Variants in REST observed in about 807,000 individuals in gnomAD.
The protein encoded by REST is RE1-silencing transcription factor.
In REST, 1 loss-of-function variant was observed where a neutral mutation model predicts 30.4. The ratio of observed to expected loss-of-function variants is 0.03; its 90% confidence interval spans 0.01 to 0.16. REST has a LOEUF of 0.16. Ranked by LOEUF, REST falls within the 10% of genes least tolerant of loss-of-function variation. The pLI is 1.00. For missense variants in REST, 1,259 were observed against 1,329.5 expected, an observed-to-expected ratio of 0.95 and a Z score of 0.82; for synonymous variants, 504 against 451.1, an observed-to-expected ratio of 1.12 and a Z score of -1.49.
At position 56,931,915 on chromosome 4, in the gene REST, A is replaced by G; in HGVS notation, c.3057A>G (p.Leu1019=). The G allele has an allele frequency of 6.2e-7, 1 of 1,614,224 alleles. No homozygotes were observed. Among genetic ancestry groups the G allele is most frequent in the East Asian group, 2.2e-5 (1 of 44,888 alleles). ...EGIHSHEGSD[L]SDNMSEGSDD... ...TCCACAGCCATGAAGGAAGTGACCT[A>G]AGTGACAACATGTCAGAGGGTAGTG... The change falls in exon 4 of 4, where the codon CTA becomes CTG. Residue 1019 remains leucine, a synonymous_variant. Transcript: ENST00000309042.
chr4:56,921,696 C>T (rs2109550947), intron 3 of REST, among the ~76,000 whole-genome samples: 1 of 152,274 alleles, frequency 6.6e-6, no homozygotes, highest in East Asian at 1.9e-4. Context: ...AGGTGTGAGC[C>T]ACCGCGCCCG....
intron 2 of REST, among the ~76,000 whole-genome samples, chr4:56,914,681 T>C (rs1386194380): frequency 6.6e-6 from 1 of 152,062 alleles, no homozygotes; most frequent in Non-Finnish European, 1.5e-5. Context: ...CCATATTCAT[T>C]TAGCTGGGAT....
At position 56,932,263 on chromosome 4, in the gene REST, G is replaced by T; in HGVS notation, c.*111G>T. Reference sequence around the variant, plus strand: ...ATTGCTTTAATTAGTATCTGATGTTGATTTTTAAGTGGCATTCTTTTCCTT... The same window carrying T: ...ATTGCTTTAATTAGTATCTGATGTTTATTTTTAAGTGGCATTCTTTTCCTT... On this transcript the variant is annotated 3_prime_UTR_variant, in exon 4 of 4. Coordinates refer to ENST00000309042, the MANE Select transcript of REST (RefSeq NM_005612.5). The T allele has an allele frequency of 8.3e-7, 1 of 1,198,912 alleles. No individual in the cohort carries two copies. Among genetic ancestry groups the T allele is most frequent in the Non-Finnish European group, 1.2e-6 (1 of 868,002 alleles). The allele number at this position is 1,198,912 out of a possible 1,614,324, so 74.3% of individuals were successfully genotyped here.
At chr4:56,926,715 C>T (rs1237321577) in intron 3 of REST, among the ~76,000 whole-genome samples, 1 of 151,754 alleles carries the variant, frequency 6.6e-6, no homozygotes, top group Non-Finnish European at 1.5e-5. Flanking sequence ...ATAGGTAACA[C>T]ATTTTGAGTT....
chr4:56,913,613 T>C (rs1560443513), intron 2 of REST, among the ~76,000 whole-genome samples: 1 of 152,088 alleles, frequency 6.6e-6, no homozygotes, highest in South Asian at 2.1e-4. Flanking sequence ...AGGAGGGGAA[T>C]TGATGCTGCT....
At chr4:56,912,989 G>T (rs1165558528) in intron 2 of REST, among the ~76,000 whole-genome samples, 1 of 150,932 alleles carries the variant, frequency 6.6e-6, no homozygotes, top group Non-Finnish European at 1.5e-5. Context: ...GGAGATGGGG[G>T]GTCTCACTAT....
intron 3 of REST, among the ~76,000 whole-genome samples, chr4:56,924,047 T>C (rs13113802): frequency 0.35 from 53,816 of 151,764 alleles, 9,787 homozygotes; most frequent in Middle Eastern, 0.49. Context: ...CTATGGAGAC[T>C]GGGTCTTGCT....
Position 56,907,987 on chromosome 4 carries a change from C to A in REST, c.-236C>A, listed in dbSNP as rs1276822665. The A allele has an allele frequency of 8.2e-6, 3 of 365,298 alleles. No homozygotes were observed. The East Asian group carries it at 1.2e-4, about 14-fold the overall frequency. 22.6% of individuals were successfully genotyped at this position (365,298 alleles called of 1,614,324 possible). ...GAGCGAGCGCCGCCGAGGCCCGGGG[C>A]CCCAGACCCTGGCGGCGGCTGCCGC... On this transcript the variant is annotated 5_prime_UTR_variant, in exon 1 of 4. Transcript: ENST00000309042.
intron 3 of REST, among the ~76,000 whole-genome samples, chr4:56,926,109 G>A (rs11736808): frequency 0.076 from 11,629 of 152,198 alleles, 682 homozygotes; most frequent in East Asian, 0.21. Flanking sequence ...GTCCAGGCTG[G>A]AGTGCAATGG....
At chr4:56,923,593 C>A (rs951965170) in intron 3 of REST, among the ~76,000 whole-genome samples, 15 of 151,860 alleles carry the variant, frequency 9.9e-5, no homozygotes, top group African/African-American at 2.7e-4. Flanking sequence ...TACAGGCACC[C>A]GCCACCATGC....
At chr4:56,917,040 GA>G (rs1720232897) in intron 2 of REST, among the ~76,000 whole-genome samples, 5 of 152,084 alleles carry the variant, frequency 3.3e-5, no homozygotes, top group Admixed American at 2.0e-4. Flanking sequence ...CTGTCTTTGT[GA>G]TTACAGCTAT....
rs1721045682 is a variant in REST, at chr4:56,933,480, C to CT, written c.*1331dup. On this transcript the variant is annotated 3_prime_UTR_variant, in exon 4 of 4. Coordinates refer to ENST00000309042, the MANE Select transcript of REST (RefSeq NM_005612.5). ...ATGAGTGCTGGTAGACCAGCTGCAACTTTCCTATACAGTGAAAAAGGCTGG... is the reference window on the plus strand; with the variant it reads ...ATGAGTGCTGGTAGACCAGCTGCAACTTTTCCTATACAGTGAAAAAGGCTGG... The CT allele has an allele frequency of 6.6e-6, 1 of 152,208 alleles. No homozygotes were observed. Among genetic ancestry groups the CT allele is most frequent in the South Asian group, 2.1e-4 (1 of 4,832 alleles). 9.4% of individuals were successfully genotyped at this position (152,208 alleles called of 1,614,324 possible). A position where few individuals can be genotyped will look rare whatever the true frequency, so the allele number is the denominator to read the frequency against.
chr4:56,923,062 T>A (rs1453216049), intron 3 of REST, among the ~76,000 whole-genome samples: 1 of 152,250 alleles, frequency 6.6e-6, no homozygotes, highest in Non-Finnish European at 1.5e-5. Flanking sequence ...TTTTGAGTTT[T>A]GCCTGCTGTA....
chr4:56,921,406 T>A (rs1720444864), intron 3 of REST, among the ~76,000 whole-genome samples: 4 of 152,154 alleles, frequency 2.6e-5, no homozygotes, highest in Admixed American at 2.6e-4. Context: ...AATTTTATTT[T>A]ATTATTATTT....
Position 56,927,773 on chromosome 4 carries a change from C to A in REST, c.983-2068C>A, listed in dbSNP as rs868698081. Reference sequence around the variant, plus strand: ...ACTTTGCTTATTTTACATACCATATCTATTTGTGTGCCACTTCTCATTACC... The same window carrying A: ...ACTTTGCTTATTTTACATACCATATATATTTGTGTGCCACTTCTCATTACC... On this transcript the variant is annotated intron_variant, in intron 3 of 3. Coordinates refer to ENST00000309042, the MANE Select transcript of REST (RefSeq NM_005612.5). 5 of 274,844 alleles carry A rather than the reference C, an allele frequency of 1.8e-5. No homozygotes were observed. The Middle Eastern group carries it at 1.7e-3, about 95-fold the overall frequency. The allele number at this position is 274,844 out of a possible 1,614,324, so 17.0% of individuals were successfully genotyped here. A position where few individuals can be genotyped will look rare whatever the true frequency, so the allele number is the denominator to read the frequency against.
Position 56,931,766 on chromosome 4 carries a change from G to T in REST, c.2908G>T (p.Val970Phe), listed in dbSNP as rs774044957. 6.2e-7 allele frequency: 1 copy of T among 1,614,228 alleles called. No individual in the cohort carries two copies. The highest frequency in any genetic ancestry group is 1.3e-5 in the African/African-American group (1 of 75,060). The stretch of plus-strand genomic sequence containing the variant: ...TATAAATTCAACAGTTGAAGAACCA[G>T]TTTCACCAATGCTTCCCCCTTCAGC... ...TGINSTVEEP[V>F]SPMLPPSAVE... Residue 970 changes from valine (V) to phenylalanine (F), a missense_variant, in exon 4 of 4, where the codon GTT (valine) becomes TTT (phenylalanine). This residue lies in a region of REST where 856 missense variants were observed against 772.8 expected (regional missense o/e 1.11). Coordinates refer to ENST00000309042, the MANE Select transcript of REST (RefSeq NM_005612.5).
At chr4:56,918,983 A>T (rs1713987) in intron 2 of REST, among the ~76,000 whole-genome samples, 32,310 of 137,850 alleles carry the variant, frequency 0.23, 3,570 homozygotes, top group East Asian at 0.41. Flanking sequence ...AGCCCAGGCT[A>T]TTTTTTTTTT....
At chr4:56,917,433 G>A (rs1720254335) in intron 2 of REST, among the ~76,000 whole-genome samples, 2 of 152,028 alleles carry the variant, frequency 1.3e-5, no homozygotes, top group African/African-American at 2.4e-5. Flanking sequence ...CAAATGATCC[G>A]CCTACCTCCC....
intron 2 of REST, among the ~76,000 whole-genome samples, chr4:56,917,921 G>C (rs553504533): frequency 6.6e-6 from 1 of 151,700 alleles, no homozygotes; most frequent in South Asian, 2.1e-4. Context: ...GCATGGTGGC[G>C]GGCGCCTGTA....
Sources: gnomAD v4.1 joint callset for allele counts (sites outside exome capture counted in the v4.1 genomes callset) on GRCh38, gnomAD v4.1.1 for gene constraint, gnomAD v4.1.1 regional missense constraint, MANE v1.5 for transcripts, NCBI Gene and HGNC (gene_info 2026-07-23, HGNC 2026-07-21) for gene names.